CLCN4: variants seen among roughly 807,000 people sequenced by gnomAD.
CLCN4 encodes Cl-/H+ antiporter 4, also known as H(+)/Cl(-) exchange transporter 4.
In CLCN4, 1 loss-of-function variant was observed where a neutral mutation model predicts 41.7. The ratio of observed to expected loss-of-function variants is 0.02; its 90% confidence interval spans 0.01 to 0.11. The LOEUF is 0.11. Among genes scored for constraint, CLCN4 ranks in the 10% least tolerant of loss-of-function variants. The pLI is 1.00. For missense variants in CLCN4, 287 were observed against 661.0 expected (o/e 0.43, Z 6.20); for synonymous variants, 277 against 285.8 (o/e 0.97, Z 0.31).
rs192492405 is a variant in CLCN4, at chrX:10,187,618, C to G, written c.244+4C>G. 1.6e-3 allele frequency: 1,864 copies of G among 1,187,563 alleles called. 18 individuals carry two copies. The African/African-American group carries it at 0.028, about 18-fold the overall frequency. On this transcript the variant is annotated splice_donor_region_variant and intron_variant, in intron 4 of 12. Transcript: ENST00000380833. ...CTGCTCATCGGCCTGCTGGCGGGTA[C>G]GTGGATGGGCATGCGGCACTCCCGT...
At position 10,206,376 on chromosome X, in the gene CLCN4, G is replaced by A; in HGVS notation, c.574G>A (p.Gly192Ser). 1 of 1,208,736 alleles carries A rather than the reference G, an allele frequency of 8.3e-7. No homozygotes were observed. The highest frequency in any genetic ancestry group is 1.1e-6 in the Non-Finnish European group (1 of 893,995). Reference sequence around the variant, plus strand: ...GTTTCAGATAAAGACCATTTTGAGCGGCTTTATCATCAGGGGCTACTTGGG... The same window carrying A: ...GTTTCAGATAAAGACCATTTTGAGCAGCTTTATCATCAGGGGCTACTTGGG... ...GIPEIKTILS[G>S]FIIRGYLGKW... Residue 192 changes from glycine (G) to serine (S), a missense_variant, in exon 7 of 13, where the codon GGC becomes AGC. Coordinates refer to ENST00000380833, the MANE Select transcript of CLCN4 (RefSeq NM_001830.4).
At chrX:10,168,986 G>A (rs1018009415) in intron 2 of CLCN4, among the ~76,000 whole-genome samples, 2 of 110,818 alleles carry the variant, frequency 1.8e-5, no homozygotes, top group Non-Finnish European at 3.8e-5. Flanking sequence ...TTCTTTGTAT[G>A]TAAAGTGTCT....
At chrX:10,205,092 C>A (rs1924343974) in intron 6 of CLCN4, among the ~76,000 whole-genome samples, 1 of 110,978 alleles carries the variant, frequency 9.0e-6, no homozygotes, top group Non-Finnish European at 1.9e-5. Flanking sequence ...CCCTCAGCCT[C>A]AACTTCCTGT....
intron 5 of CLCN4, among the ~76,000 whole-genome samples, chrX:10,195,644 C>T (rs1404467201): frequency 8.9e-6 from 1 of 111,789 alleles, no homozygotes; most frequent in Non-Finnish European, 1.9e-5. Context: ...AGCAGTCACT[C>T]CCATGTCCCC....
chrX:10,196,283 A>G (rs1456091722), intron 5 of CLCN4, among the ~76,000 whole-genome samples: 1 of 112,531 alleles, frequency 8.9e-6, no homozygotes, highest in African/African-American at 3.2e-5. Flanking sequence ...GGCACAGGAG[A>G]TAATAGTGGT....
At chrX:10,218,814 C>T (rs904542411) in intron 11 of CLCN4, among the ~76,000 whole-genome samples, 1 of 112,410 alleles carries the variant, frequency 8.9e-6, no homozygotes, top group African/African-American at 3.2e-5. Flanking sequence ...GTGCATAGCT[C>T]AGGCTTCTGG....
In CLCN4 at chrX:10,206,865, G is replaced by T. The variant is rs764628243; in HGVS notation, c.843+89G>T. The T allele has an allele frequency of 1.9e-5, 12 of 635,955 alleles. No individual in the cohort carries two copies. The South Asian group carries it at 4.4e-4, about 23-fold the overall frequency. 52.4% of individuals were successfully genotyped at this position (635,955 alleles called of 1,213,427 possible). A position where few individuals can be genotyped will look rare whatever the true frequency, so the allele number is the denominator to read the frequency against. ...CAAAGAAGTATTGGATAAGATTCCG[G>T]CAGTTAATTAAGGAGCCACAATTTC... is the stretch of plus-strand genomic sequence containing the variant. On this transcript the variant is annotated intron_variant, in intron 8 of 12. Coordinates refer to ENST00000380833, the MANE Select transcript of CLCN4 (RefSeq NM_001830.4).
chrX:10,219,586 G>A (rs1482840158), intron 11 of CLCN4, among the ~76,000 whole-genome samples: 1 of 112,200 alleles, frequency 8.9e-6, no homozygotes, highest in African/African-American at 3.2e-5. Context: ...CCCTTTTTCA[G>A]ACTCAGCCTG....
intron 2 of CLCN4, among the ~76,000 whole-genome samples, chrX:10,171,769 C>T (rs1286236511): frequency 8.9e-6 from 1 of 111,754 alleles, no homozygotes; most frequent in Non-Finnish European, 1.9e-5. Context: ...CACGTGCTTC[C>T]AAGAGTCCTC....
intron 12 of CLCN4, among the ~76,000 whole-genome samples, chrX:10,225,163 G>A (rs1924959667): frequency 8.9e-6 from 1 of 111,743 alleles, no homozygotes; most frequent in Non-Finnish European, 1.9e-5. Flanking sequence ...TTGGGGAATC[G>A]CCACACTGTC....
At chrX:10,160,084 G>T (rs756979061) in intron 2 of CLCN4, among the ~76,000 whole-genome samples, 1 of 109,700 alleles carries the variant, frequency 9.1e-6, no homozygotes, top group Non-Finnish European at 1.9e-5. Flanking sequence ...CTAGATGCTA[G>T]TAGCACTTCC....
At chrX:10,206,041 A>G (rs748827587) in intron 6 of CLCN4, among the ~76,000 whole-genome samples, 49 of 111,467 alleles carry the variant, frequency 4.4e-4, no homozygotes, top group Non-Finnish European at 7.0e-4. Context: ...CAATAGGTAC[A>G]TGTCTCTTCT....
intron 2 of CLCN4, among the ~76,000 whole-genome samples, chrX:10,163,071 G>A (rs1204620491): frequency 8.8e-6 from 1 of 113,615 alleles, no homozygotes; most frequent in African/African-American, 3.2e-5. Context: ...AATAGGTCTG[G>A]GGGTGAAGCC....
At chrX:10,158,929 G>A (rs951908379) in intron 2 of CLCN4, among the ~76,000 whole-genome samples, 12 of 113,340 alleles carry the variant, frequency 1.1e-4, no homozygotes, top group African/African-American at 3.2e-4. Context: ...TGTTTTCCTA[G>A]TGTCATTCTG....
chrX:10,230,410 A>G (rs1925099694), intron 12 of CLCN4, among the ~76,000 whole-genome samples: 1 of 112,120 alleles, frequency 8.9e-6, no homozygotes, highest in Non-Finnish European at 1.9e-5. Flanking sequence ...GTATTGGGTA[A>G]CAGTGCCCTT....
In CLCN4 at chrX:10,212,666, G is replaced by A. The variant is rs999612580; in HGVS notation, c.1576+13G>A. 2.5e-6 allele frequency: 3 copies of A among 1,191,623 alleles called. No homozygotes were observed. The highest frequency in any genetic ancestry group is 3.4e-6 in the Non-Finnish European group (3 of 880,806). On this transcript the variant is annotated intron_variant, in intron 10 of 12. Transcript: ENST00000380833. ...GCGGCCTGCCTCGGTACGACCATGG[G>A]TGGGGCAGGGAGGGGGACCGGGGAA... is the stretch of plus-strand genomic sequence containing the variant.
chrX:10,206,908 T>TTTGTTTTTGTTC, intron 8 of CLCN4, 132 bp downstream of exon 8: 1 of 432,532 alleles, frequency 2.3e-6, no homozygotes, highest in Non-Finnish European at 3.8e-6. Context: ...TTTTTTTTGT[T>TTTGTTTTTGTTC]TTGTTTTTGT....
At chrX:10,190,878 C>T (rs1450158040) in intron 4 of CLCN4, among the ~76,000 whole-genome samples, 2 of 111,955 alleles carry the variant, frequency 1.8e-5, no homozygotes, top group Non-Finnish European at 3.8e-5. Flanking sequence ...GGAATCAAGT[C>T]TTTCATTATT....
intron 6 of CLCN4, among the ~76,000 whole-genome samples, chrX:10,201,729 A>T (rs1173828234): frequency 8.9e-6 from 1 of 112,655 alleles, no homozygotes; most frequent in African/African-American, 3.2e-5. Context: ...ATGTATATTT[A>T]AAAAATTGCT....
Sources: allele counts gnomAD v4.1 joint callset (sites outside exome capture counted in the v4.1 genomes callset), GRCh38; gene constraint gnomAD v4.1.1; transcripts MANE v1.5; gene names NCBI Gene and HGNC (gene_info 2026-07-23, HGNC 2026-07-21).